Variants in CYP19A1 observed in about 807,000 individuals in gnomAD.
CYP19A1 encodes cytochrome P450 family 19 subfamily A member 1.
In CYP19A1, 32 loss-of-function variants were observed where a neutral mutation model predicts 44.4. That is an observed-to-expected ratio of 0.72 (90% CI 0.54 to 0.97). The LOEUF (loss-of-function observed/expected upper bound fraction) is 0.97. Ranked by LOEUF, CYP19A1 falls within the 50% of genes least tolerant of loss-of-function variation. The pLI is 0.00. For synonymous variants in CYP19A1, 212 were observed against 215.6 expected (o/e 0.98, Z 0.14); for missense variants, 598 against 637.8 (o/e 0.94, Z 0.67).
intron 1 of CYP19A1, chr15:51,293,825 C>T (rs567010558): frequency 6.6e-5 from 12 of 180,520 alleles, no homozygotes; most frequent in South Asian, 6.0e-4. Flanking sequence ...TCACAAGGTG[C>T]CGGGATTGCA....
At chr15:51,248,479 G>A (rs950918544) in intron 1 of CYP19A1, among the ~76,000 whole-genome samples, 5 of 152,204 alleles carry the variant, frequency 3.3e-5, no homozygotes, top group African/African-American at 1.2e-4. Flanking sequence ...ATGAAAGGAT[G>A]TTGTCAAAGA....
chr15:51,269,881 C>T (rs569078325), intron 1 of CYP19A1, among the ~76,000 whole-genome samples: 6 of 152,322 alleles, frequency 3.9e-5, no homozygotes, highest in African/African-American at 1.2e-4. Context: ...TACTCCCGCT[C>T]CCTCCCTTTT....
chr15:51,235,071 C>G (rs781232635), intron 3 of CYP19A1, among the ~76,000 whole-genome samples: 8 of 152,170 alleles, frequency 5.3e-5, no homozygotes, highest in Non-Finnish European at 1.2e-4. Context: ...TCCCTACCCC[C>G]AAACCCAAAC....
intron 1 of CYP19A1, among the ~76,000 whole-genome samples, chr15:51,281,005 G>A (rs141790383): frequency 3.5e-4 from 54 of 152,284 alleles, no homozygotes; most frequent in African/African-American, 9.1e-4. Context: ...CCAGGCGCCC[G>A]TTACTGGGGA....
Position 51,223,599 on chromosome 15 carries a change from A to T in CYP19A1, c.452-1074T>A, listed in dbSNP as rs908478513. On this transcript the variant is annotated intron_variant, in intron 4 of 9. Coordinates refer to ENST00000396402, the MANE Select transcript of CYP19A1 (RefSeq NM_000103.4). ...CTCTCTCTCTCTCTCTCTCTCACAC[A>T]CACACACACACACACACACACACAC... 3.0e-3 allele frequency among the ~76,000 whole-genome samples: 393 copies of T among 129,014 alleles called. 1 individual carries two copies. The highest frequency in any genetic ancestry group is 8.9e-3 in the African/African-American group (315 of 35,418). The allele number at this position is 129,014 out of a possible 152,430, so 84.6% of individuals were successfully genotyped here.
chr15:51,212,012 G>A (rs1378958427), intron 9 of CYP19A1, among the ~76,000 whole-genome samples: 1 of 152,296 alleles, frequency 6.6e-6, no homozygotes. Flanking sequence ...GGAAAAGTAG[G>A]TTGGTTGGGT....
chr15:51,323,087 C>T (rs563589326), intron 1 of CYP19A1, among the ~76,000 whole-genome samples: 18 of 152,344 alleles, frequency 1.2e-4, no homozygotes, highest in African/African-American at 3.8e-4. Context: ...AGGAACTTGA[C>T]CTACTGCCTT....
Position 51,277,858 on chromosome 15 carries a change from A to T in CYP19A1, c.-38-34908T>A, listed in dbSNP as rs2035370723. On this transcript the variant is annotated intron_variant, in intron 1 of 9. Coordinates refer to ENST00000396402, the MANE Select transcript of CYP19A1 (RefSeq NM_000103.4). ...AATCAAAAAGCAGTTATTTAAAAGA[A>T]TACATACTATTATTAAAAGTTAGTC... 3 of 152,340 alleles carry T rather than the reference A, an allele frequency of 2.0e-5. No homozygotes were observed. The South Asian group carries it at 6.2e-4, about 32-fold the overall frequency. 9.4% of individuals were successfully genotyped at this position (152,340 alleles called of 1,614,324 possible).
At chr15:51,252,351 G>C (rs549208933) in intron 1 of CYP19A1, among the ~76,000 whole-genome samples, 2 of 152,268 alleles carry the variant, frequency 1.3e-5, no homozygotes, top group South Asian at 4.1e-4. Flanking sequence ...CCTGGGCCCA[G>C]TTCCTTTCTC....
At chr15:51,322,639 T>A (rs2036545973) in intron 1 of CYP19A1, among the ~76,000 whole-genome samples, 1 of 152,214 alleles carries the variant, frequency 6.6e-6, no homozygotes, top group Non-Finnish European at 1.5e-5. Context: ...CATAATCTGA[T>A]GCTTGACAAA....
intron 7 of CYP19A1, 81 bp downstream of exon 7, chr15:51,215,622 G>A (rs2031492966): frequency 1.2e-6 from 2 of 1,611,054 alleles, no homozygotes; most frequent in Non-Finnish European, 1.7e-6. Flanking sequence ...ATATGCAACA[G>A]TTACAAAAGG....
At chr15:51,236,809 A>C (rs1165683786) in intron 3 of CYP19A1, 50 bp downstream of exon 3, 1 of 1,610,916 alleles carries the variant, frequency 6.2e-7, no homozygotes, top group Admixed American at 1.7e-5. Flanking sequence ...AAGTGGAAAA[A>C]ACTCCAGCCT....
At chr15:51,324,547 T>A (rs1342936558) in intron 1 of CYP19A1, among the ~76,000 whole-genome samples, 1 of 152,236 alleles carries the variant, frequency 6.6e-6, no homozygotes, top group South Asian at 2.1e-4. Context: ...GTTCTTCTAA[T>A]CCAGGCCAGC....
chr15:51,235,830 C>T (rs1180406647), intron 3 of CYP19A1, among the ~76,000 whole-genome samples: 1 of 152,102 alleles, frequency 6.6e-6, no homozygotes, highest in Non-Finnish European at 1.5e-5. Context: ...GGTAAAACAC[C>T]CTGGTCAGCT....
intron 4 of CYP19A1, 61 bp from the exon 5 acceptor site, chr15:51,222,586 C>T (rs1458750502): frequency 1.4e-6 from 2 of 1,415,912 alleles, no homozygotes; most frequent in African/African-American, 1.4e-5. Flanking sequence ...CACAATCATG[C>T]CATTTTGGCT....
chr15:51,295,364 C>T (rs1339895003), intron 1 of CYP19A1, among the ~76,000 whole-genome samples: 1 of 152,144 alleles, frequency 6.6e-6, no homozygotes, highest in African/African-American at 2.4e-5. Context: ...CCTTAGGATC[C>T]TCTATTACCC....
At chr15:51,228,514 C>T (rs1363789484) in intron 3 of CYP19A1, among the ~76,000 whole-genome samples, 1 of 152,238 alleles carries the variant, frequency 6.6e-6, no homozygotes, top group Non-Finnish European at 1.5e-5. Flanking sequence ...TCTCCTTGGG[C>T]ACTTCTTCTA....
chr15:51,334,679 C>T (rs1484623249), intron 1 of CYP19A1, among the ~76,000 whole-genome samples: 6 of 152,244 alleles, frequency 3.9e-5, no homozygotes, highest in African/African-American at 1.4e-4. Flanking sequence ...TTTCTACAGC[C>T]TGTCACGGTT....
At chr15:51,334,997 G>A (rs537533049) in intron 1 of CYP19A1, among the ~76,000 whole-genome samples, 2 of 152,298 alleles carry the variant, frequency 1.3e-5, no homozygotes, top group South Asian at 2.1e-4. Context: ...AGGCTTTGCA[G>A]GGTTGGACTG....
Sources: allele counts gnomAD v4.1 joint callset (sites outside exome capture counted in the v4.1 genomes callset), GRCh38; gene constraint gnomAD v4.1.1; transcripts MANE v1.5; gene names NCBI Gene and HGNC (gene_info 2026-07-23, HGNC 2026-07-21).